The following NCKAP1L variants were observed in gnomAD, a reference collection of about 807,000 sequenced individuals.
NCKAP1L encodes the protein nck-associated protein 1-like.
A neutral mutation model predicts 139.2 loss-of-function variants in NCKAP1L; 53 were observed. The observed-to-expected ratio is 0.38, with a 90% CI of 0.31 to 0.48. The LOEUF (loss-of-function observed/expected upper bound fraction) is 0.48, where lower values mean the gene tolerates loss of function less well. Ranked by LOEUF, NCKAP1L falls within the 20% of genes least tolerant of loss-of-function variation. NCKAP1L has a pLI of 0.98. For synonymous variants in NCKAP1L, 468 were observed against 499.7 expected (o/e 0.94, Z 0.85); for missense variants, 1,151 against 1,381.9 (o/e 0.83, Z 2.65).
intron 19 of NCKAP1L, 90 bp downstream of exon 19, chr12:54,523,629 CGCAAGT>C: frequency 2.0e-6 from 3 of 1,508,096 alleles, no homozygotes; most frequent in Non-Finnish European, 2.7e-6. Flanking sequence ...AAGAAAAGAG[CGCAAGT>C]CATGGTGGGG....
rs372866833 is a variant in NCKAP1L at position 54,512,040 on chromosome 12, C to T, written c.876C>T (p.Thr292=). 57 of 1,614,046 alleles carry T rather than the reference C, an allele frequency of 3.5e-5. No individual in the cohort carries two copies. Among genetic ancestry groups the T allele is most frequent in the South Asian group, 1.1e-4 (10 of 91,084 alleles). ...GTCTGCAGGGCTCCCTCTACATCAC[C>T]CTTATCCGTGAGGATGTGCTGCAGG... ...KLCLQGSLYI[T]LIREDVLQVH... is the part of the protein sequence containing the mutation. Residue 292 remains threonine (T), a synonymous_variant, in exon 9 of 31, where the codon ACC becomes ACT. Coordinates refer to ENST00000293373, the MANE Select transcript of NCKAP1L (RefSeq NM_005337.5).
chr12:54,534,092 T>C (rs1431850081), intron 26 of NCKAP1L, among the ~76,000 whole-genome samples: 7 of 152,210 alleles, frequency 4.6e-5, no homozygotes, highest in African/African-American at 1.2e-4. Flanking sequence ...CTCAGCATTA[T>C]GTTAAACACT....
intron 20 of NCKAP1L, among the ~76,000 whole-genome samples, chr12:54,525,920 T>A (rs2120941200): frequency 6.6e-6 from 1 of 152,182 alleles, no homozygotes; most frequent in East Asian, 1.9e-4. Flanking sequence ...TGGTGAGGGG[T>A]CTTGCTGGTG....
chr12:54,528,270 A>G lies in NCKAP1L; in HGVS notation c.2399A>G (p.Gln800Arg), dbSNP rs754883724. 6.2e-7 allele frequency: 1 copy of G among 1,613,876 alleles called. No homozygotes were observed. The highest frequency in any genetic ancestry group is 1.1e-5 in the South Asian group (1 of 91,080). The part of the protein sequence containing the change: ...TNWYLESLLR[Q>R]ASSGTIILSP... The stretch of plus-strand genomic sequence containing the variant: ...AGGTACCTGGAAAGTCTGCTTAGAC[A>G]GGCAAGCAGTGGGACCATCATCCTC... Residue 800 changes from glutamine (Q) to arginine (R), a missense_variant, in exon 22 of 31, where the codon CAG becomes CGG. Gln to Arg is a conservative substitution (Grantham distance 43, BLOSUM62 1). Coordinates refer to ENST00000293373, the MANE Select transcript of NCKAP1L (RefSeq NM_005337.5).
chr12:54,544,086 A>C lies in NCKAP1L; in HGVS notation c.*1401A>C, dbSNP rs1176293138. ...TTTCTTAACTTGGCACCCATAATCA[A>C]CATACAGATTTTTCTTAGCAACAGT... On this transcript the variant is annotated 3_prime_UTR_variant, in exon 31 of 31. Coordinates refer to ENST00000293373, the MANE Select transcript of NCKAP1L (RefSeq NM_005337.5). 1 of 152,190 alleles carries C rather than the reference A, an allele frequency of 6.6e-6. No homozygotes were observed. The highest frequency in any genetic ancestry group is 1.5e-5 in the Non-Finnish European group (1 of 68,034). The allele number at this position is 152,190 out of a possible 1,614,324, so 9.4% of individuals were successfully genotyped here.
At chr12:54,522,789 C>T (rs949652774) in intron 18 of NCKAP1L, among the ~76,000 whole-genome samples, 1 of 152,038 alleles carries the variant, frequency 6.6e-6, no homozygotes, top group African/African-American at 2.4e-5. Flanking sequence ...TTCCAGTCAC[C>T]CTGAAGGAGA....
In NCKAP1L at chr12:54,531,811, G is replaced by A. The variant is rs747938556; in HGVS notation, c.2767G>A (p.Glu923Lys). 5.6e-6 allele frequency: 9 copies of A among 1,611,516 alleles called. No individual in the cohort carries two copies. In the Admixed American group the frequency reaches 1.3e-4, roughly 24 times the overall value. Residue 923 changes from glutamate to lysine, a missense_variant, in exon 25 of 31, where the codon GAG (glutamate) becomes AAG (lysine). Transcript: ENST00000293373. ...CCTCAGTTTCAGGGCCATGGCCCAAGAGGGACTTCGGGAGGTGAGTTGGTG... is the reference window on the plus strand; with the variant it reads ...CCTCAGTTTCAGGGCCATGGCCCAAAAGGGACTTCGGGAGGTGAGTTGGTG... ...VILSFRAMAQEGLREVFSSHC... is the reference protein window; with the variant it reads ...VILSFRAMAQKGLREVFSSHC...
chr12:54,526,572 T>C lies in NCKAP1L; in HGVS notation c.2201T>C (p.Ile734Thr). 1 of 1,614,048 alleles carries C rather than the reference T, an allele frequency of 6.2e-7. No homozygotes were observed. Residue 734 changes from isoleucine (I) to threonine (T), a missense_variant, in exon 21 of 31, where the codon ATC becomes ACC. Physicochemically the swap from Ile to Thr is moderately conservative, Grantham distance 89. Coordinates refer to ENST00000293373, the MANE Select transcript of NCKAP1L (RefSeq NM_005337.5). The part of the protein sequence containing the change: ...LAGYNATTQE[I>T]VRPSELLAGV... Reference sequence around the variant, plus strand: ...GGCTACAATGCCACGACCCAGGAGATCGTACGGCCTTCTGAGCTGTTGGCA... The same window carrying C: ...GGCTACAATGCCACGACCCAGGAGACCGTACGGCCTTCTGAGCTGTTGGCA...
chr12:54,508,386 T>C lies in NCKAP1L; in HGVS notation c.364-3T>C. 6.2e-7 allele frequency: 1 copy of C among 1,614,108 alleles called. No individual in the cohort carries two copies. Among genetic ancestry groups the C allele is most frequent in the South Asian group, 1.1e-5 (1 of 91,084 alleles). ...CTTGGGTTCCTATGTATTTTCCTTGTAGAATCTCAACTTTGATTTCACTCG... is the reference window on the plus strand; with the variant it reads ...CTTGGGTTCCTATGTATTTTCCTTGCAGAATCTCAACTTTGATTTCACTCG... On this transcript the variant is annotated splice_region_variant and splice_polypyrimidine_tract_variant and intron_variant, in intron 4 of 30. Transcript: ENST00000293373.
chr12:54,519,667 C>T (rs1206560409), intron 16 of NCKAP1L, among the ~76,000 whole-genome samples: 3 of 151,982 alleles, frequency 2.0e-5, no homozygotes, highest in Non-Finnish European at 4.4e-5. Flanking sequence ...TTTGAGATCT[C>T]CTTAAGGTGC....
chr12:54,502,177 T>G (rs1354898711), intron 3 of NCKAP1L, among the ~76,000 whole-genome samples: 1 of 152,230 alleles, frequency 6.6e-6, no homozygotes, highest in Non-Finnish European at 1.5e-5. Flanking sequence ...TTTCATATGT[T>G]TGCAGATTTC....
chr12:54,523,687 T>G (rs763737537), intron 19 of NCKAP1L, 138 bp from the exon 20 acceptor site: 63 of 1,440,708 alleles, frequency 4.4e-5, no homozygotes, highest in Non-Finnish European at 5.5e-5. Context: ...AATTTCCTAC[T>G]TTGCCTTTGA....
chr12:54,521,177 C>T lies in NCKAP1L; in HGVS notation c.1817C>T (p.Ala606Val). The T allele has an allele frequency of 6.2e-7, 1 of 1,614,074 alleles. No homozygotes were observed. The highest frequency in any genetic ancestry group is 8.5e-7 in the Non-Finnish European group (1 of 1,179,998). Residue 606 changes from alanine to valine, a missense_variant, in exon 18 of 31, where the codon GCC becomes GTC. Coordinates refer to ENST00000293373, the MANE Select transcript of NCKAP1L (RefSeq NM_005337.5). Reference sequence around the variant, plus strand: ...TGCAACTCCTTCCTGGAAGAGTTGGCCAAGCAGACCAGCAATTGCGTCCTG... The same window carrying T: ...TGCAACTCCTTCCTGGAAGAGTTGGTCAAGCAGACCAGCAATTGCGTCCTG... ...HHCNSFLEEL[A>V]KQTSNCVLEI... is the part of the protein sequence containing the mutation.
chr12:54,531,667 G>A, intron 24 of NCKAP1L, 76 bp from the exon 25 acceptor site: 1 of 1,600,040 alleles, frequency 6.2e-7, no homozygotes, highest in Non-Finnish European at 8.6e-7. Flanking sequence ...CTGGAGGCTA[G>A]GCGGGGTCTG....
At chr12:54,503,318 A>G (rs879724177) in intron 3 of NCKAP1L, among the ~76,000 whole-genome samples, 1 of 152,024 alleles carries the variant, frequency 6.6e-6, no homozygotes, top group Non-Finnish European at 1.5e-5. Flanking sequence ...AAAAATAAAA[A>G]TTAATATGAT....
At position 54,509,669 on chromosome 12, in the gene NCKAP1L, T is replaced by C. The variant is rs764938318; in HGVS notation, c.507T>C (p.Gly169=). Residue 169 remains glycine, a splice_region_variant and synonymous_variant, in exon 6 of 31, where the codon GGT becomes GGC. Transcript: ENST00000293373. ...ACCCCTCTCCTCTGCTTTCTTCTAG[T>C]GACCCCAGTTTTGCCCGTCTGGGTC... The part of the protein sequence containing the change: ...NCAHEMLHGH[G]DPSFARLGQM... The C allele has an allele frequency of 6.2e-7, 1 of 1,612,200 alleles. No homozygotes were observed. Among genetic ancestry groups the C allele is most frequent in the Non-Finnish European group, 8.5e-7 (1 of 1,178,226 alleles).
chr12:54,505,008 A>T (rs1004705519), intron 3 of NCKAP1L, among the ~76,000 whole-genome samples: 3 of 152,190 alleles, frequency 2.0e-5, no homozygotes, highest in Admixed American at 2.0e-4. Flanking sequence ...TTCCTAGCAA[A>T]TGAGGAAGTA....
At chr12:54,516,781 T>C (rs887127856) in intron 10 of NCKAP1L, 115 bp from the exon 11 acceptor site, 26 of 904,118 alleles carry the variant, frequency 2.9e-5, no homozygotes, top group Non-Finnish European at 3.5e-6. Context: ...AACTTGAGCA[T>C]TGAACCTTCC....
intron 14 of NCKAP1L, 46 bp from the exon 15 acceptor site, chr12:54,518,868 G>A (rs750819995): frequency 3.9e-6 from 6 of 1,541,842 alleles, no homozygotes; most frequent in South Asian, 3.3e-5. Flanking sequence ...GTTGGATATT[G>A]GTGTGCTGTT....
Sources: allele counts gnomAD v4.1 joint callset (sites outside exome capture counted in the v4.1 genomes callset), GRCh38; gene constraint gnomAD v4.1.1; transcripts MANE v1.5; gene names NCBI Gene and HGNC (gene_info 2026-07-23, HGNC 2026-07-21).